Variants in UCHL1 observed in about 807,000 individuals in gnomAD.
UCHL1 encodes ubiquitin carboxyl-terminal hydrolase isozyme L1.
Under a neutral mutation model 33.3 loss-of-function variants are expected in UCHL1, and 5 were observed. The observed-to-expected ratio is 0.15, with a 90% confidence interval of 0.08 to 0.32. UCHL1 has a LOEUF of 0.32. UCHL1 is among the 10% of genes least tolerant of loss of function. The pLI, the probability that UCHL1 is intolerant of heterozygous loss-of-function variation, is 1.00. For synonymous variants in UCHL1, 132 were observed against 108.8 expected, an observed-to-expected ratio of 1.21 and a Z score of -1.33; for missense variants, 236 against 280.0, an observed-to-expected ratio of 0.84 and a Z score of 1.12.
At chr4:41,263,334 G>A (rs751472249) in intron 7 of UCHL1, 43 bp downstream of exon 7, 1 of 1,552,954 alleles carries the variant, frequency 6.4e-7, no homozygotes, top group Non-Finnish European at 8.9e-7. Flanking sequence ...AGTTTCATGT[G>A]TTCTTTCAGA....
rs1190966715 is a variant in UCHL1, at chr4:41,268,381, TTTAA to T, written c.*311_*314del. 2 of 408,998 alleles carry T rather than the reference TTTAA, an allele frequency of 4.9e-6. No individual in the cohort carries two copies. Among genetic ancestry groups the T allele is most frequent in the Admixed American group, 4.1e-5 (1 of 24,380 alleles). The allele number at this position is 408,998 out of a possible 1,614,324, so 25.3% of individuals were successfully genotyped here. On this transcript the variant is annotated 3_prime_UTR_variant, in exon 9 of 9. Coordinates refer to ENST00000284440, the MANE Select transcript of UCHL1 (RefSeq NM_004181.5). Reference sequence around the variant, plus strand: ...CTGTAAGTTAAGACCTTGGATGTGGTTTAATTGTTTGTCCTCAAAAGGAATAAAA... The same window carrying T: ...CTGTAAGTTAAGACCTTGGATGTGGTTTGTTTGTCCTCAAAAGGAATAAAA...
In UCHL1 at chr4:41,268,307, T is replaced by G. The variant is rs115323706; in HGVS notation, c.*234T>G. The G allele has an allele frequency of 3.3e-3, 1,947 of 587,430 alleles. 31 individuals carry two copies. The highest frequency in any genetic ancestry group is 0.032 in the African/African-American group (1,748 of 53,812). 36.4% of individuals were successfully genotyped at this position (587,430 alleles called of 1,614,324 possible). A position where few individuals can be genotyped will look rare whatever the true frequency, so the allele number is the denominator to read the frequency against. ...ATGGTGAAGCATTCTCCCCAGTGTA[T>G]GTCTTGTATCCGATATCTAACGCTT... On this transcript the variant is annotated 3_prime_UTR_variant, in exon 9 of 9. Coordinates refer to ENST00000284440, the MANE Select transcript of UCHL1 (RefSeq NM_004181.5).
In UCHL1 at chr4:41,268,228, A is replaced by C; in HGVS notation, c.*155A>C. On this transcript the variant is annotated 3_prime_UTR_variant, in exon 9 of 9. Transcript: ENST00000284440. ...TCCCCTCAGCCACACCCAGGCACTT[A>C]AGCACAAGCAGAGTGCACAGCTGTC... is the stretch of plus-strand genomic sequence containing the variant. 6 of 722,394 alleles carry C rather than the reference A, an allele frequency of 8.3e-6. No homozygotes were observed. In the South Asian group the frequency reaches 9.7e-5, roughly 12 times the overall value. The allele number at this position is 722,394 out of a possible 1,614,324, so 44.7% of individuals were successfully genotyped here.
In UCHL1 at chr4:41,261,538, G is replaced by A. The variant is rs148171606; in HGVS notation, c.326-177G>A. On this transcript the variant is annotated intron_variant, in intron 4 of 8. Coordinates refer to ENST00000284440, the MANE Select transcript of UCHL1 (RefSeq NM_004181.5). ...GAGACCTCTCTGGCCTGAAAGCAGT[G>A]AATAGAGAGGGGTTAGAAAAAGAGG... 5.0e-3 allele frequency among the ~76,000 whole-genome samples: 766 copies of A among 152,258 alleles called. 6 individuals are homozygous for A. Among genetic ancestry groups the A allele is most frequent in the African/African-American group, 0.017 (703 of 41,538 alleles).
intron 2 of UCHL1, 41 bp from the exon 3 acceptor site, chr4:41,257,568 C>T (rs754687056): frequency 6.8e-7 from 1 of 1,478,674 alleles, no homozygotes; most frequent in African/African-American, 1.5e-5. Context: ...CCGCGACCCG[C>T]GTGTCCCCGT....
Position 41,268,136 on chromosome 4 carries a change from C to A in UCHL1, c.*63C>A, listed in dbSNP as rs759170558. The A allele has an allele frequency of 3.4e-6, 5 of 1,450,754 alleles. No individual in the cohort carries two copies. The highest frequency in any genetic ancestry group is 4.8e-6 in the Non-Finnish European group (5 of 1,044,960). 89.9% of individuals were successfully genotyped at this position (1,450,754 alleles called of 1,614,324 possible). ...CCTTCAACATGAAAATATATACCCC[C>A]CCATGCAGTCTAAAATGCTTCAGTA... On this transcript the variant is annotated 3_prime_UTR_variant, in exon 9 of 9. Coordinates refer to ENST00000284440, the MANE Select transcript of UCHL1 (RefSeq NM_004181.5).
At position 41,268,283 on chromosome 4, in the gene UCHL1, TG is replaced by T; in HGVS notation, c.*212del. 2 of 609,316 alleles carry T rather than the reference TG, an allele frequency of 3.3e-6. No individual in the cohort carries two copies. Among genetic ancestry groups the T allele is most frequent in the South Asian group, 3.9e-5 (2 of 51,714 alleles). The allele number at this position is 609,316 out of a possible 1,614,324, so 37.7% of individuals were successfully genotyped here. The stretch of plus-strand genomic sequence containing the variant: ...GGGCCATTGTGGTGTGAGCTTCAGA[TG>T]GTGAAGCATTCTCCCCAGTGTATGT... On this transcript the variant is annotated 3_prime_UTR_variant, in exon 9 of 9. Coordinates refer to ENST00000284440, the MANE Select transcript of UCHL1 (RefSeq NM_004181.5).
intron 3 of UCHL1, among the ~76,000 whole-genome samples, chr4:41,258,897 C>T (rs1781026754): frequency 6.6e-6 from 1 of 152,224 alleles, no homozygotes; most frequent in African/African-American, 2.4e-5. Context: ...AATTAGCTTC[C>T]TGGTTGACCA....
Position 41,257,654 on chromosome 4 carries a change from G to C in UCHL1, c.91G>C (p.Val31Leu), listed in dbSNP as rs868560463. 3.2e-6 allele frequency: 5 copies of C among 1,568,692 alleles called. No individual in the cohort carries two copies. The highest frequency in any genetic ancestry group is 4.3e-6 in the Non-Finnish European group (5 of 1,161,212). The change falls in exon 3 of 9, where the codon GTG (valine) becomes CTG (leucine). Residue 31 changes from valine (V) to leucine (L), a missense_variant. Transcript: ENST00000284440. ...GVAGQWRFVD[V>L]LGLEEESLGS... ...CGCCGGCCAGTGGCGCTTCGTGGAC[G>C]TGCTGGGGCTGGAAGAGGAGTCTCT...
chr4:41,267,903 T>C, intron 8 of UCHL1, 84 bp from the exon 9 acceptor site: 1 of 1,239,864 alleles, frequency 8.1e-7, no homozygotes, highest in Non-Finnish European at 1.2e-6. Flanking sequence ...ACTTTGAGCA[T>C]TAATAGACCT....
intron 2 of UCHL1, chr4:41,257,371 G>A (rs2154087077): frequency 1.1e-6 from 1 of 896,340 alleles, no homozygotes; most frequent in Non-Finnish European, 1.6e-6. Flanking sequence ...CGGAGCTCCC[G>A]AGGGCGTGGC....
At chr4:41,258,257 A>T (rs1019350056) in intron 3 of UCHL1, among the ~76,000 whole-genome samples, 3 of 151,714 alleles carry the variant, frequency 2.0e-5, no homozygotes, top group Non-Finnish European at 4.4e-5. Flanking sequence ...TCTCTTCTCC[A>T]CTCCCACCAC....
intron 3 of UCHL1, among the ~76,000 whole-genome samples, chr4:41,258,435 A>G (rs1337192290): frequency 6.6e-6 from 1 of 152,116 alleles, no homozygotes; most frequent in African/African-American, 2.4e-5. Context: ...GCACCTTTGC[A>G]TTTCCCTTGA....
At chr4:41,263,447 A>G (rs1015151845) in intron 7 of UCHL1, among the ~76,000 whole-genome samples, 156 bp downstream of exon 7, 1 of 152,210 alleles carries the variant, frequency 6.6e-6, no homozygotes, top group Non-Finnish European at 1.5e-5. Context: ...TTAACCCCTT[A>G]TCATCCCCAG....
chr4:41,260,570 G>C, intron 3 of UCHL1, 77 bp from the exon 4 acceptor site: 1 of 1,550,712 alleles, frequency 6.4e-7, no homozygotes, highest in South Asian at 1.2e-5. Context: ...TTTCCATTTA[G>C]TTGGTAGAAC....
intron 6 of UCHL1, among the ~76,000 whole-genome samples, chr4:41,262,343 G>A (rs1580925813): frequency 6.6e-6 from 1 of 152,126 alleles, no homozygotes; most frequent in South Asian, 2.1e-4. Context: ...CCACTTGGGA[G>A]GCTGAGGTGG....
Position 41,268,200 on chromosome 4 carries a change from C to A in UCHL1, c.*127C>A. ...GCTGTTCTTCTGTTCTGCAGACACG[C>A]CTTCCCCTCAGCCACACCCAGGCAC... On this transcript the variant is annotated 3_prime_UTR_variant, in exon 9 of 9. Coordinates refer to ENST00000284440, the MANE Select transcript of UCHL1 (RefSeq NM_004181.5). 2 of 919,168 alleles carry A rather than the reference C, an allele frequency of 2.2e-6. No individual in the cohort carries two copies. Among genetic ancestry groups the A allele is most frequent in the Admixed American group, 4.0e-5 (2 of 49,920 alleles). 56.9% of individuals were successfully genotyped at this position (919,168 alleles called of 1,614,324 possible). A position where few individuals can be genotyped will look rare whatever the true frequency, so the allele number is the denominator to read the frequency against.
intron 8 of UCHL1, among the ~76,000 whole-genome samples, chr4:41,267,015 T>C (rs1156376051): frequency 6.6e-6 from 1 of 152,200 alleles, no homozygotes; most frequent in Non-Finnish European, 1.5e-5. Context: ...TTTACAGAGC[T>C]ATCTTTCCAC....
intron 8 of UCHL1, among the ~76,000 whole-genome samples, chr4:41,266,173 C>T (rs1378510802): frequency 2.0e-5 from 3 of 150,410 alleles, no homozygotes; most frequent in Non-Finnish European, 2.9e-5. Context: ...CTTCCTGCCT[C>T]AGCTTCCCAG....
Sources: gnomAD v4.1 joint callset for allele counts (sites outside exome capture counted in the v4.1 genomes callset) on GRCh38, gnomAD v4.1.1 for gene constraint, MANE v1.5 for transcripts, NCBI Gene and HGNC (gene_info 2026-07-23, HGNC 2026-07-21) for gene names.